The following PDE9A variants were observed in gnomAD, a reference collection of about 807,000 sequenced individuals.
The protein encoded by PDE9A is high affinity cGMP-specific 3',5'-cyclic phosphodiesterase 9A.
A neutral mutation model predicts 87.4 loss-of-function variants in PDE9A; 60 were observed. The observed-to-expected ratio is 0.69, with a 90% CI of 0.56 to 0.85. PDE9A has a LOEUF of 0.85. Among genes scored for constraint, PDE9A ranks in the 40% least tolerant of loss-of-function variants. The probability of loss-of-function intolerance (pLI) is 0.00; values close to 1 mark genes in which losing one functional copy is unlikely to be tolerated. For missense variants in PDE9A, 665 were observed against 779.0 expected, an observed-to-expected ratio of 0.85 and a Z score of 1.74; for synonymous variants, 272 against 279.4, an observed-to-expected ratio of 0.97 and a Z score of 0.27.
At chr21:42,743,936 C>T (rs2053578852) in intron 8 of PDE9A, 76 bp downstream of exon 8, 1 of 837,456 alleles carries the variant, frequency 1.2e-6, no homozygotes, top group East Asian at 2.7e-5. Context: ...GGGCTGTGGG[C>T]TTTGTTTGCC....
rs571803646 is a variant in PDE9A at position 42,675,170 on chromosome 21, C to T, written c.70-11022C>T. On this transcript the variant is annotated intron_variant, in intron 1 of 19. Coordinates refer to ENST00000291539, the MANE Select transcript of PDE9A (RefSeq NM_002606.3). The surrounding 1 kb of genome is among the most constrained non-coding windows in gnomAD (Gnocchi z 4.3). ...TAATTTTGTGTCCTGATCATTTTCA[C>T]TCAGCATTACATCAGCAGCGGTTTC... Among the ~76,000 whole-genome samples the T allele has an allele frequency of 2.7e-4, 41 of 152,386 alleles. No homozygotes were observed. The highest frequency in any genetic ancestry group is 9.9e-4 in the African/African-American group (41 of 41,584).
chr21:42,718,371 T>C (rs1389169166), intron 4 of PDE9A, among the ~76,000 whole-genome samples: 1 of 151,888 alleles, frequency 6.6e-6, no homozygotes, highest in Non-Finnish European at 1.5e-5. Context: ...TGTCAGCCAT[T>C]ACGTGTTATA....
At chr21:42,688,745 T>C (rs1486751104) in intron 3 of PDE9A, among the ~76,000 whole-genome samples, 1 of 152,218 alleles carries the variant, frequency 6.6e-6, no homozygotes, top group African/African-American at 2.4e-5. Context: ...AGAGTGGGGC[T>C]CACTGTGCCT....
intron 4 of PDE9A, among the ~76,000 whole-genome samples, chr21:42,712,219 T>C (rs894051295): frequency 3.9e-5 from 6 of 152,240 alleles, no homozygotes; most frequent in Non-Finnish European, 1.5e-5. Context: ...CAAAAGGTTA[T>C]GGCTTTCAAG....
rs34249348 is a variant in PDE9A, at chr21:42,727,077, CAAAA to C, written c.263-4673_263-4670del. ...AATGTTAGAATAATCTCTATTTCTA[CAAAA>C]AAAAAAAAAAAAAAAAAAAGTCTTG... On this transcript the variant is annotated intron_variant, in intron 4 of 19. Transcript: ENST00000291539. 9.7e-4 allele frequency among the ~76,000 whole-genome samples: 79 copies of C among 81,672 alleles called. 1 individual carries two copies. The highest frequency in any genetic ancestry group is 7.7e-3 in the Middle Eastern group (1 of 130). 53.6% of individuals were successfully genotyped at this position (81,672 alleles called of 152,430 possible).
chr21:42,658,641 G>A (rs2057269958), intron 1 of PDE9A, among the ~76,000 whole-genome samples: 1 of 152,144 alleles, frequency 6.6e-6, no homozygotes, highest in African/African-American at 2.4e-5. Context: ...TGCGTCCCCC[G>A]GCCACACTGA....
At position 42,659,007 on chromosome 21, in the gene PDE9A, A is replaced by C. The variant is rs2057294545; in HGVS notation, c.69+5124A>C. On this transcript the variant is annotated intron_variant, in intron 1 of 19. Coordinates refer to ENST00000291539, the MANE Select transcript of PDE9A (RefSeq NM_002606.3). This position sits in a 1 kb window ranked among gnomAD's most constrained non-coding sequence, Gnocchi z 4.1. ...CACCTGAATTGAAGCTGGGCTGTGA[A>C]AAGTAGTAAGAACCCTCGGTTTTTG... Among the ~76,000 whole-genome samples the C allele has an allele frequency of 6.6e-6, 1 of 152,076 alleles. No homozygotes were observed. The highest frequency in any genetic ancestry group is 1.5e-5 in the Non-Finnish European group (1 of 68,006).
intron 4 of PDE9A, among the ~76,000 whole-genome samples, chr21:42,713,876 A>C (rs2049571971): frequency 1.3e-5 from 2 of 151,322 alleles, no homozygotes; most frequent in South Asian, 4.2e-4. Flanking sequence ...AATTTTTGTC[A>C]ATTTGTTAAA....
At chr21:42,751,631 G>A (rs990856299) in intron 9 of PDE9A, among the ~76,000 whole-genome samples, 53 of 152,244 alleles carry the variant, frequency 3.5e-4, no homozygotes, top group African/African-American at 9.9e-4. Context: ...AAGCTGTGAC[G>A]TTGGTGAAGT....
In PDE9A at chr21:42,722,923, G is replaced by A. The variant is rs2050670933; in HGVS notation, c.263-8847G>A. On this transcript the variant is annotated intron_variant, in intron 4 of 19. Transcript: ENST00000291539. The surrounding 1 kb of genome is among the most constrained non-coding windows in gnomAD (Gnocchi z 4.1). Reference sequence around the variant, plus strand: ...AAGTAAACAATTCCTGGAAGAAGTGGGCGAGGCAGAGGCTTGAACTATCCA... The same window carrying A: ...AAGTAAACAATTCCTGGAAGAAGTGAGCGAGGCAGAGGCTTGAACTATCCA... 6.6e-6 allele frequency among the ~76,000 whole-genome samples: 1 copy of A among 152,234 alleles called. No homozygotes were observed. The highest frequency in any genetic ancestry group is 2.4e-5 in the African/African-American group (1 of 41,450).
chr21:42,665,223 G>A (rs1034611445), intron 1 of PDE9A, among the ~76,000 whole-genome samples: 2 of 152,220 alleles, frequency 1.3e-5, no homozygotes, highest in African/African-American at 4.8e-5. Flanking sequence ...CTGGAGTCCT[G>A]GGAAGGAGCC....
intron 1 of PDE9A, among the ~76,000 whole-genome samples, chr21:42,662,817 A>G (rs1251000563): frequency 2.3e-5 from 3 of 132,162 alleles, no homozygotes; most frequent in Admixed American, 7.1e-5. Flanking sequence ...ACACACACGC[A>G]CACACACGCA....
chr21:42,705,133 G>A lies in PDE9A; in HGVS notation c.262+6122G>A, dbSNP rs949892812. Among the ~76,000 whole-genome samples the A allele has an allele frequency of 3.3e-5, 5 of 152,156 alleles. No homozygotes were observed. The highest frequency in any genetic ancestry group is 2.1e-4 in the South Asian group (1 of 4,836). ...GTAGAAGGAATGGCCCCGTCCACGC[G>A]AAGGTCTGTGTTCACCAAGCATCTT... is the stretch of plus-strand genomic sequence containing the variant. On this transcript the variant is annotated intron_variant, in intron 4 of 19. Coordinates refer to ENST00000291539, the MANE Select transcript of PDE9A (RefSeq NM_002606.3). The surrounding 1 kb of genome is among the most constrained non-coding windows in gnomAD (Gnocchi z 4.3).
At chr21:42,709,373 T>C (rs182298261) in intron 4 of PDE9A, among the ~76,000 whole-genome samples, 44 of 152,280 alleles carry the variant, frequency 2.9e-4, no homozygotes, top group African/African-American at 1.0e-3. Context: ...AGGTGATGGG[T>C]TGACAGGTGC....
chr21:42,764,489 A>C (rs1225960383), intron 14 of PDE9A, among the ~76,000 whole-genome samples: 1 of 152,236 alleles, frequency 6.6e-6, no homozygotes, highest in Non-Finnish European at 1.5e-5. Context: ...GACCTGGGGA[A>C]TCAAAGCAAG....
chr21:42,772,432 G>C lies in PDE9A; in HGVS notation c.1687-7G>C, dbSNP rs753349370. On this transcript the variant is annotated splice_polypyrimidine_tract_variant and splice_region_variant and intron_variant, in intron 18 of 19. Transcript: ENST00000291539. ...CCTGACTTGGCCTTCTCTGTACTCT[G>C]TTCCAGTTACAGAAGAAGACTGACA... The C allele has an allele frequency of 1.2e-4, 192 of 1,601,618 alleles. No homozygotes were observed. The highest frequency in any genetic ancestry group is 1.6e-4 in the Non-Finnish European group (184 of 1,172,348).
At chr21:42,665,705 A>G (rs2057917836) in intron 1 of PDE9A, among the ~76,000 whole-genome samples, 1 of 151,960 alleles carries the variant, frequency 6.6e-6, no homozygotes. Flanking sequence ...ATAACTCCTC[A>G]CCAGGCACCC....
Position 42,760,112 on chromosome 21 carries a change from C to T in PDE9A, c.898-216C>T, listed in dbSNP as rs746067012. ...CCTGGTGGGAGCTCTGTCCCCACAC[C>T]TGCCCCGGGTGCCGTGGTGTGGCCC... On this transcript the variant is annotated intron_variant, in intron 11 of 19. Transcript: ENST00000291539. The surrounding 1 kb of genome is among the most constrained non-coding windows in gnomAD (Gnocchi z 5.2). Among the ~76,000 whole-genome samples, 2 of 152,064 alleles carry T rather than the reference C, an allele frequency of 1.3e-5. No homozygotes were observed. Among genetic ancestry groups the T allele is most frequent in the Non-Finnish European group, 2.9e-5 (2 of 67,994 alleles).
chr21:42,730,489 A>G (rs1282494716), intron 4 of PDE9A, among the ~76,000 whole-genome samples: 2 of 152,158 alleles, frequency 1.3e-5, no homozygotes, highest in East Asian at 3.8e-4. Flanking sequence ...CATAAGAAAA[A>G]GGGGAAATGC....
Sources: gnomAD v4.1 joint callset for allele counts (sites outside exome capture counted in the v4.1 genomes callset) on GRCh38, gnomAD v4.1.1 for gene constraint, Gnocchi (gnomAD v3.1) non-coding constraint, MANE v1.5 for transcripts, NCBI Gene and HGNC (gene_info 2026-07-23, HGNC 2026-07-21) for gene names.